The following HMCN1 variants were observed in gnomAD, a reference collection of about 807,000 sequenced individuals.
The protein encoded by HMCN1 is hemicentin 1, also known as hemicentin-1.
A neutral mutation model predicts 625.9 loss-of-function variants in HMCN1; 321 were observed. That is an observed-to-expected ratio of 0.51 (90% confidence interval 0.47 to 0.56). HMCN1 has a LOEUF of 0.56. Ranked by LOEUF, HMCN1 falls within the 20% of genes least tolerant of loss-of-function variation. The pLI is 0.00. For synonymous variants in HMCN1, 2,425 were observed against 2,417.6 expected (o/e 1.00, Z -0.09); for missense variants, 6,588 against 6,887.3 (o/e 0.96, Z 1.54).
chr1:185,799,127 G>A (rs184715715), intron 1 of HMCN1, among the ~76,000 whole-genome samples: 23 of 152,246 alleles, frequency 1.5e-4, no homozygotes, highest in African/African-American at 4.6e-4. Flanking sequence ...GCAAAGTATC[G>A]TATAAGTTCC....
At chr1:185,735,148 TA>T (rs139597135) in intron 1 of HMCN1, 101 bp downstream of exon 1, 8 of 1,310,722 alleles carry the variant, frequency 6.1e-6, no homozygotes, top group South Asian at 1.2e-5. Context: ...AAAACCATTT[TA>T]AAAAAATGTG....
At chr1:185,940,973 G>A (rs1469050361) in intron 11 of HMCN1, among the ~76,000 whole-genome samples, 3 of 152,150 alleles carry the variant, frequency 2.0e-5, no homozygotes, top group Non-Finnish European at 4.4e-5. Flanking sequence ...TGTTGGTCAG[G>A]CTAGTCTCAA....
In HMCN1 at chr1:186,185,784, G is replaced by A. The variant is rs548911181; in HGVS notation, c.16415-2099G>A. 2.3e-3 allele frequency among the ~76,000 whole-genome samples: 344 copies of A among 152,202 alleles called. 1 individual carries two copies. Among genetic ancestry groups the A allele is most frequent in the South Asian group, 0.022 (104 of 4,816 alleles). On this transcript the variant is annotated intron_variant, in intron 105 of 106. Coordinates refer to ENST00000271588, the MANE Select transcript of HMCN1 (RefSeq NM_031935.3). The stretch of plus-strand genomic sequence containing the variant: ...TTATGTACTACTGTACAATGACATC[G>A]TAGTAACACTGTTCTCAGCACAGCT...
chr1:186,128,649 T>C (rs1661770226), intron 83 of HMCN1, among the ~76,000 whole-genome samples: 1 of 151,920 alleles, frequency 6.6e-6, no homozygotes. Context: ...GCTGTTGGAG[T>C]CCTAAAGATT....
intron 30 of HMCN1, among the ~76,000 whole-genome samples, chr1:186,009,200 G>T (rs914889939): frequency 6.6e-6 from 1 of 152,080 alleles, no homozygotes; most frequent in African/African-American, 2.4e-5. Context: ...GATCTGTGAT[G>T]AATACATTTT....
At chr1:186,114,178 A>G (rs1661019611) in intron 73 of HMCN1, 55 bp downstream of exon 73, 2 of 1,596,906 alleles carry the variant, frequency 1.3e-6, no homozygotes, top group Non-Finnish European at 1.7e-6. Context: ...CAAATTCTTA[A>G]TTTTTTTTCC....
At chr1:186,078,629 C>T (rs141606249) in intron 55 of HMCN1, among the ~76,000 whole-genome samples, 4 of 152,296 alleles carry the variant, frequency 2.6e-5, no homozygotes, top group African/African-American at 9.6e-5. Context: ...CAGCTCTAGG[C>T]TTGCATCCTC....
At position 186,093,275 on chromosome 1, in the gene HMCN1, C is replaced by T. The variant is rs773242540; in HGVS notation, c.10012+17C>T. On this transcript the variant is annotated intron_variant, in intron 65 of 106. Coordinates refer to ENST00000271588, the MANE Select transcript of HMCN1 (RefSeq NM_031935.3). ...ATGTCTATGGTAAATATGAAATATCCCCCTCTTTTGATGATGCTGCCTTAA... is the reference window on the plus strand; with the variant it reads ...ATGTCTATGGTAAATATGAAATATCTCCCTCTTTTGATGATGCTGCCTTAA... 1.7e-5 allele frequency: 27 copies of T among 1,612,974 alleles called. No homozygotes were observed. The highest frequency in any genetic ancestry group is 2.1e-5 in the Non-Finnish European group (25 of 1,179,396).
chr1:186,067,718 G>T (rs1389475824), intron 49 of HMCN1, 116 bp from the exon 50 acceptor site: 1 of 683,132 alleles, frequency 1.5e-6, no homozygotes. Flanking sequence ...ATAATAATTT[G>T]TTTTCTGTAA....
In HMCN1 at chr1:185,962,584, T is replaced by C; in HGVS notation, c.1895T>C (p.Met632Thr). The C allele has an allele frequency of 1.2e-6, 2 of 1,605,356 alleles. No homozygotes were observed. Among genetic ancestry groups the C allele is most frequent in the Non-Finnish European group, 1.7e-6 (2 of 1,171,994 alleles). ...SFTGGSEVSIMCSATGYPKPK... is the reference protein window; with the variant it reads ...SFTGGSEVSITCSATGYPKPK... ...ACAGGAGGGTCTGAGGTCTCCATCA[T>C]GTGTTCTGCAACAGGTTATCCCAAA... Residue 632 changes from methionine (M) to threonine (T), a missense_variant, in exon 12 of 107, where the codon ATG (methionine) becomes ACG (threonine). Transcript: ENST00000271588.
At chr1:186,054,864 G>A (rs1032190507) in intron 44 of HMCN1, among the ~76,000 whole-genome samples, 1 of 151,902 alleles carries the variant, frequency 6.6e-6, no homozygotes, top group Non-Finnish European at 1.5e-5. Context: ...TTTATTAGGA[G>A]AGCAAAAAAT....
chr1:185,808,161 T>C (rs114923614), intron 1 of HMCN1, among the ~76,000 whole-genome samples: 4,772 of 151,816 alleles, frequency 0.031, 229 homozygotes, highest in African/African-American at 0.1. Context: ...GCCTGACCAA[T>C]ATGGCGAAAC....
At chr1:186,138,856 G>A (rs1260474809) in intron 89 of HMCN1, among the ~76,000 whole-genome samples, 1 of 152,162 alleles carries the variant, frequency 6.6e-6, no homozygotes, top group African/African-American at 2.4e-5. Context: ...AAAGAGTGTT[G>A]AGAAAGAAAT....
intron 73 of HMCN1, 118 bp downstream of exon 73, chr1:186,114,241 C>A: frequency 9.6e-7 from 1 of 1,036,296 alleles, no homozygotes; most frequent in Non-Finnish European, 1.5e-6. Flanking sequence ...CATCTTAATA[C>A]GAGAATCAAA....
rs183819772 is a variant in HMCN1 at position 185,865,339 on chromosome 1, A to G, written c.499-402A>G. Among the ~76,000 whole-genome samples the G allele has an allele frequency of 7.5e-4, 115 of 152,320 alleles. 1 individual carries two copies. Among genetic ancestry groups the G allele is most frequent in the South Asian group, 4.1e-4 (2 of 4,834 alleles). On this transcript the variant is annotated intron_variant, in intron 3 of 106. Transcript: ENST00000271588. ...CATGCTATTGGCCAAAGGAAGTCAC[A>G]TGGACAAGCTTAGATTCACAGATGA...
chr1:185,942,955 A>G (rs972526932), intron 11 of HMCN1, among the ~76,000 whole-genome samples: 1 of 151,572 alleles, frequency 6.6e-6, no homozygotes, highest in African/African-American at 2.4e-5. Flanking sequence ...CAAGAGGGGG[A>G]AAAAAAGCTG....
chr1:186,133,188 C>A (rs1237489533), intron 86 of HMCN1, among the ~76,000 whole-genome samples: 2 of 152,018 alleles, frequency 1.3e-5, no homozygotes, highest in Non-Finnish European at 2.9e-5. Flanking sequence ...GATTATAAAT[C>A]ATGCTGCTAT....
chr1:185,968,613 A>C (rs1027828474), intron 14 of HMCN1, among the ~76,000 whole-genome samples: 8 of 151,948 alleles, frequency 5.3e-5, no homozygotes, highest in African/African-American at 1.9e-4. Flanking sequence ...AATTATTTGA[A>C]AAGATCTTAT....
intron 1 of HMCN1, among the ~76,000 whole-genome samples, chr1:185,736,247 AATAT>A (rs928024676): frequency 6.6e-6 from 1 of 152,044 alleles, no homozygotes; most frequent in Admixed American, 6.6e-5. Context: ...TGGGATATGT[AATAT>A]ATATATACAC....
Sources: allele counts gnomAD v4.1 joint callset (sites outside exome capture counted in the v4.1 genomes callset), GRCh38; gene constraint gnomAD v4.1.1; transcripts MANE v1.5; gene names NCBI Gene and HGNC (gene_info 2026-07-23, HGNC 2026-07-21).